The following EXT2 variants were observed in gnomAD, a reference collection of about 807,000 sequenced individuals.
EXT2 encodes exostosin-2.
Under a neutral mutation model 81.6 loss-of-function variants are expected in EXT2, and 53 were observed. The observed-to-expected ratio is 0.65, with a 90% CI of 0.52 to 0.82. The LOEUF (loss-of-function observed/expected upper bound fraction) is 0.82. EXT2 is among the 40% of genes least tolerant of loss of function. The probability of loss-of-function intolerance (pLI) is 0.00; values close to 1 mark genes in which losing one functional copy is unlikely to be tolerated. For synonymous variants in EXT2, 320 were observed against 340.0 expected (o/e 0.94, Z 0.65); for missense variants, 774 against 910.2 (o/e 0.85, Z 1.93).
rs80127475 is a variant in EXT2, at chr11:44,127,779, A to C, written c.1079+824A>C. On this transcript the variant is annotated intron_variant, in intron 6 of 13. Coordinates refer to ENST00000533608, the MANE Select transcript of EXT2 (RefSeq NM_207122.2). The stretch of plus-strand genomic sequence containing the variant: ...CCAGGTGATTCTGATTTGTAGTCAG[A>C]GTTGAGAACCACTGGTCTAGAGTCT... Among the ~76,000 whole-genome samples the C allele has an allele frequency of 5.9e-3, 837 of 142,706 alleles. 13 individuals are homozygous for C. Among genetic ancestry groups the C allele is most frequent in the African/African-American group, 0.02 (793 of 38,860 alleles). 93.6% of individuals were successfully genotyped at this position (142,706 alleles called of 152,430 possible).
intron 7 of EXT2, among the ~76,000 whole-genome samples, chr11:44,143,907 A>G (rs1386121036): frequency 1.3e-5 from 2 of 152,202 alleles, no homozygotes; most frequent in Admixed American, 6.5e-5. Context: ...AAAATAGAGT[A>G]GAGAACGTCA....
At chr11:44,110,033 G>A (rs369838404) in intron 3 of EXT2, among the ~76,000 whole-genome samples, 3 of 152,238 alleles carry the variant, frequency 2.0e-5, no homozygotes, top group Non-Finnish European at 2.9e-5. Flanking sequence ...TATAAGCGTC[G>A]CGGGCAATGC....
chr11:44,199,197 A>G (rs1430390166), intron 9 of EXT2, among the ~76,000 whole-genome samples: 3 of 152,192 alleles, frequency 2.0e-5, no homozygotes, highest in Admixed American at 6.5e-5. Context: ...TTGATACTTA[A>G]TAAGGGAGAA....
chr11:44,119,169 T>TATATATATATATATATATATAG (rs1192115471), intron 4 of EXT2, among the ~76,000 whole-genome samples: 3 of 63,130 alleles, frequency 4.8e-5, no homozygotes, highest in Non-Finnish European at 6.3e-5. Flanking sequence ...TATATATATA[T>TATATATATATATATATATATAG]ACACATACAC....
rs1449425893 is a variant in EXT2 at position 44,247,096 on chromosome 11, A to G, written c.*2809A>G. Among the ~76,000 whole-genome samples the G allele has an allele frequency of 2.0e-5, 3 of 152,234 alleles. No homozygotes were observed. Among genetic ancestry groups the G allele is most frequent in the Non-Finnish European group, 4.4e-5 (3 of 68,048 alleles). ...TTTATTTTGCTGATTAACATTACAT[A>G]GTTGTTAAAATGTTTATCTCATGTA... On this transcript the variant is annotated 3_prime_UTR_variant, in exon 14 of 14. Transcript: ENST00000533608.
At chr11:44,100,970 A>G (rs764818194) in intron 1 of EXT2, among the ~76,000 whole-genome samples, 1 of 152,180 alleles carries the variant, frequency 6.6e-6, no homozygotes, top group Non-Finnish European at 1.5e-5. Context: ...GATGCCTCCC[A>G]TATGATTCTT....
intron 2 of EXT2, among the ~76,000 whole-genome samples, chr11:44,108,467 A>C (rs1408602384): frequency 6.6e-6 from 1 of 152,242 alleles, no homozygotes; most frequent in Non-Finnish European, 1.5e-5. Flanking sequence ...CATCTCCGGC[A>C]CTACTGCTGT....
At position 44,232,488 on chromosome 11, in the gene EXT2, T is replaced by C. The variant is rs536927857; in HGVS notation, c.1798T>C (p.Tyr600His). 12 of 1,613,974 alleles carry C rather than the reference T, an allele frequency of 7.4e-6. No individual in the cohort carries two copies. In the South Asian group the frequency reaches 1.2e-4, roughly 16 times the overall value. Reference sequence around the variant, plus strand: ...CATGGTGCTCACTGGGGCAGCTTTTTATCACAAGGTAAGGGGGCGCAGTCC... The same window carrying C: ...CATGGTGCTCACTGGGGCAGCTTTTCATCACAAGGTAAGGGGGCGCAGTCC... The part of the protein sequence containing the change: ...VSMVLTGAAF[Y>H]HKYFNYLYTY... Residue 600 changes from tyrosine to histidine, a missense_variant, in exon 11 of 14, where the codon TAT (tyrosine) becomes CAT (histidine). This residue lies in a region of EXT2 where 148 missense variants were observed against 239.7 expected (regional missense o/e 0.62). Transcript: ENST00000533608.
At chr11:44,165,621 A>G (rs1172135977) in intron 7 of EXT2, among the ~76,000 whole-genome samples, 1 of 152,192 alleles carries the variant, frequency 6.6e-6, no homozygotes, top group Non-Finnish European at 1.5e-5. Context: ...TATAAATCCC[A>G]AAAGCTGCCG....
chr11:44,241,716 C>A (rs957788236), intron 13 of EXT2, among the ~76,000 whole-genome samples: 1 of 152,164 alleles, frequency 6.6e-6, no homozygotes, highest in Admixed American at 6.5e-5. Context: ...TGTGTTTATA[C>A]TTGATTGGAA....
In EXT2 at chr11:44,099,615, T is replaced by C. The variant is rs574465880; in HGVS notation, c.-31+3763T>C. Among the ~76,000 whole-genome samples, 21 of 152,240 alleles carry C rather than the reference T, an allele frequency of 1.4e-4. No homozygotes were observed. In the South Asian group the frequency reaches 4.4e-3, roughly 32 times the overall value. ...GGGATTACAGGTGTGAGCCACTGCG[T>C]CTGGCTTAAATATATGCTCTGGATT... is the stretch of plus-strand genomic sequence containing the variant. On this transcript the variant is annotated intron_variant, in intron 1 of 13. Transcript: ENST00000533608.
intron 8 of EXT2, among the ~76,000 whole-genome samples, chr11:44,195,113 A>G (rs1212807736): frequency 6.6e-6 from 1 of 152,192 alleles, no homozygotes; most frequent in Non-Finnish European, 1.5e-5. Context: ...GTGTGATGTC[A>G]TGGAAACAGA....
At chr11:44,141,988 G>A (rs191238540) in intron 7 of EXT2, among the ~76,000 whole-genome samples, 133 of 152,242 alleles carry the variant, frequency 8.7e-4, no homozygotes, top group African/African-American at 3.2e-3. Context: ...AGTATCAAGT[G>A]TCAATGTGTT....
intron 7 of EXT2, among the ~76,000 whole-genome samples, chr11:44,144,843 C>T (rs894685438): frequency 5.3e-5 from 8 of 152,148 alleles, no homozygotes; most frequent in African/African-American, 7.2e-5. Context: ...ATTCTTCTAA[C>T]GTTCCCCAAG....
chr11:44,246,524 A>G lies in EXT2; in HGVS notation c.*2237A>G, dbSNP rs1187543662. On this transcript the variant is annotated 3_prime_UTR_variant, in exon 14 of 14. Transcript: ENST00000533608. ...TGGACTTTAAAGGCATTACAACTCC[A>G]TTTAAAGTACCTCATTACTCCCAGG... Among the ~76,000 whole-genome samples, 3 of 152,218 alleles carry G rather than the reference A, an allele frequency of 2.0e-5. No homozygotes were observed. The highest frequency in any genetic ancestry group is 4.4e-5 in the Non-Finnish European group (3 of 68,036).
chr11:44,157,906 A>T (rs184501556), intron 7 of EXT2, among the ~76,000 whole-genome samples: 102 of 152,286 alleles, frequency 6.7e-4, no homozygotes, highest in African/African-American at 2.4e-3. Flanking sequence ...ACTGATGTTT[A>T]TTCAGGGCCC....
intron 7 of EXT2, among the ~76,000 whole-genome samples, chr11:44,136,890 C>A (rs2135046699): frequency 6.6e-6 from 1 of 152,234 alleles, no homozygotes; most frequent in East Asian, 1.9e-4. Flanking sequence ...AAGTAGACAA[C>A]CATGGTTCTA....
At chr11:44,167,666 T>G (rs1955012361) in intron 7 of EXT2, among the ~76,000 whole-genome samples, 1 of 151,836 alleles carries the variant, frequency 6.6e-6, no homozygotes, top group Admixed American at 6.6e-5. Context: ...AATAAAAAAT[T>G]AAGAAGTGTG....
intron 3 of EXT2, among the ~76,000 whole-genome samples, chr11:44,111,110 C>G (rs1223751973): frequency 6.6e-6 from 1 of 152,026 alleles, no homozygotes; most frequent in East Asian, 1.9e-4. Context: ...TTTAAGATCT[C>G]CTAAAGTTCA....
Sources: allele counts gnomAD v4.1 joint callset (sites outside exome capture counted in the v4.1 genomes callset), GRCh38; gene constraint gnomAD v4.1.1; regional missense constraint gnomAD v4.1.1; transcripts MANE v1.5; gene names NCBI Gene and HGNC (gene_info 2026-07-23, HGNC 2026-07-21).